SEMA3D: variants seen among roughly 807,000 people sequenced by gnomAD.
The protein encoded by SEMA3D is semaphorin 3D.
In SEMA3D, 84 loss-of-function variants were observed where a neutral mutation model predicts 100.1. The observed-to-expected ratio is 0.84, with a 90% CI of 0.70 to 1.01. The LOEUF (loss-of-function observed/expected upper bound fraction) is 1.01. SEMA3D is among the 50% of genes least tolerant of loss of function. The pLI, the probability that SEMA3D is intolerant of heterozygous loss-of-function variation, is 0.00. For missense variants in SEMA3D, 875 were observed against 934.1 expected (o/e 0.94, Z 0.82); for synonymous variants, 312 against 320.7 (o/e 0.97, Z 0.29).
chr7:85,140,548 C>A (rs1051365712), intron 2 of SEMA3D: 7 of 982,780 alleles, frequency 7.1e-6, no homozygotes, highest in Non-Finnish European at 8.5e-6. Flanking sequence ...GCACAAATTT[C>A]TGTCCAACAT....
chr7:85,012,424 A>G (rs1789980587), intron 17 of SEMA3D, among the ~76,000 whole-genome samples: 1 of 151,860 alleles, frequency 6.6e-6, no homozygotes, highest in South Asian at 2.1e-4. Flanking sequence ...GACTTCTGGG[A>G]GGTCTATTTG....
chr7:85,167,329 T>C, intron 1 of SEMA3D: 2 of 983,672 alleles, frequency 2.0e-6, no homozygotes, highest in Non-Finnish European at 2.4e-6. Flanking sequence ...AGGGTGGTGA[T>C]GTTCTCATAG....
chr7:85,235,577 A>G, the SEMA3D span, among the ~76,000 whole-genome samples: 10 of 152,206 alleles, frequency 6.6e-5, no homozygotes, highest in African/African-American at 2.4e-4. Context: ...TGATATCTGA[A>G]CAGAACCCAG....
chr7:85,238,265 TA>T, the SEMA3D span, among the ~76,000 whole-genome samples: 12 of 152,174 alleles, frequency 7.9e-5, no homozygotes, highest in Non-Finnish European at 1.3e-4. Context: ...GTGTCATATC[TA>T]AAAAGTTATT....
intron 3 of SEMA3D, among the ~76,000 whole-genome samples, chr7:85,106,034 C>T (rs1009215384): frequency 2.6e-5 from 4 of 152,038 alleles, no homozygotes; most frequent in South Asian, 2.1e-4. Flanking sequence ...TAAATTCATA[C>T]TTTGAATGAG....
chr7:85,219,454 CATT>C, the SEMA3D span, among the ~76,000 whole-genome samples: 1 of 151,744 alleles, frequency 6.6e-6, no homozygotes, highest in East Asian at 2.0e-4. Context: ...AAATGAAAGA[CATT>C]TTTTTTAGCA....
chr7:85,010,742 A>C (rs906771501), intron 17 of SEMA3D, among the ~76,000 whole-genome samples: 6 of 151,840 alleles, frequency 4.0e-5, no homozygotes, highest in Non-Finnish European at 8.8e-5. Context: ...TGAAATGCTA[A>C]TTAGGCTTTC....
rs767662100 is a variant in SEMA3D at position 85,022,597 on chromosome 7, T to C, written c.1208A>G (p.Tyr403Cys). ...PRPGTCPSKT[Y>C]DPLIKSTRDF... Reference sequence around the variant, plus strand: ...TCGGGTGGACTTAATCAGTGGGTCATAGGTTTTGCTTGGACACTGAAAATA... The same window carrying C: ...TCGGGTGGACTTAATCAGTGGGTCACAGGTTTTGCTTGGACACTGAAAATA... The change falls in exon 13 of 19, where the codon TAT becomes TGT. Residue 403 changes from tyrosine (Y) to cysteine (C), a missense_variant. Tyr to Cys is a radical substitution (Grantham distance 194). Coordinates refer to ENST00000284136, the MANE Select transcript of SEMA3D (RefSeq NM_001384900.1). 5 of 1,611,278 alleles carry C rather than the reference T, an allele frequency of 3.1e-6. No homozygotes were observed. The highest frequency in any genetic ancestry group is 2.2e-5 in the East Asian group (1 of 44,800).
chr7:85,117,797 T>C (rs1789286836), intron 3 of SEMA3D, among the ~76,000 whole-genome samples: 1 of 149,388 alleles, frequency 6.7e-6, no homozygotes, highest in Non-Finnish European at 1.5e-5. Context: ...TGTATGTATG[T>C]ATGTATGTAT....
intron 1 of SEMA3D, among the ~76,000 whole-genome samples, chr7:85,155,582 G>A (rs1236700510): frequency 2.6e-5 from 4 of 152,046 alleles, no homozygotes; most frequent in African/African-American, 9.7e-5. Flanking sequence ...AGGCCCAATA[G>A]GTGGTGTTAA....
chr7:85,160,094 C>T (rs867667866), intron 1 of SEMA3D: 1 of 912,392 alleles, frequency 1.1e-6, no homozygotes, highest in Admixed American at 6.2e-5. Flanking sequence ...ATCTCAATTC[C>T]ACTTTGATAA....
chr7:85,132,651 A>G (rs967701601), intron 2 of SEMA3D, among the ~76,000 whole-genome samples: 5 of 151,930 alleles, frequency 3.3e-5, no homozygotes, highest in Non-Finnish European at 7.4e-5. Flanking sequence ...CAAAATTAAT[A>G]AAATTAAAAA....
intron 1 of SEMA3D, among the ~76,000 whole-genome samples, chr7:85,162,156 A>G (rs900874354): frequency 6.6e-6 from 1 of 152,102 alleles, no homozygotes; most frequent in African/African-American, 2.4e-5. Context: ...CAAGTAACAA[A>G]GCAAGAATCA....
intron 18 of SEMA3D, among the ~76,000 whole-genome samples, chr7:85,005,849 G>C (rs1010160013): frequency 6.6e-6 from 1 of 151,968 alleles, no homozygotes; most frequent in Admixed American, 6.6e-5. Context: ...AAAATTACTG[G>C]AGGTTGAGAT....
At chr7:85,029,186 A>G in intron 12 of SEMA3D, 2 of 678,546 alleles carry the variant, frequency 2.9e-6, no homozygotes, top group Non-Finnish European at 5.5e-6. Context: ...TCACAGGCGT[A>G]CCTCCTGCAC....
At chr7:85,247,289 A>T in the SEMA3D span, among the ~76,000 whole-genome samples, 7 of 152,096 alleles carry the variant, frequency 4.6e-5, no homozygotes, top group Non-Finnish European at 1.5e-5. Flanking sequence ...AAATTAAGAA[A>T]AGTGGAAAAA....
intron 12 of SEMA3D, chr7:85,028,276 A>G: frequency 1.4e-6 from 1 of 705,672 alleles, no homozygotes; most frequent in Admixed American, 1.9e-5. Flanking sequence ...AGCTTACTTG[A>G]ATGACTCTCA....
chr7:85,179,268 C>T (rs1200368688), intron 1 of SEMA3D, among the ~76,000 whole-genome samples: 1 of 152,114 alleles, frequency 6.6e-6, no homozygotes, highest in Non-Finnish European at 1.5e-5. Context: ...ATGGTAGATC[C>T]ACTGACAGCT....
intron 7 of SEMA3D, among the ~76,000 whole-genome samples, chr7:85,066,903 C>T (rs1232571319): frequency 8.9e-6 from 1 of 112,514 alleles, no homozygotes; most frequent in Non-Finnish European, 1.9e-5. Context: ...CACACACACA[C>T]ACACACACAC....
Sources: allele counts gnomAD v4.1 joint callset (sites outside exome capture counted in the v4.1 genomes callset), GRCh38; gene constraint gnomAD v4.1.1; transcripts MANE v1.5; gene names NCBI Gene and HGNC (gene_info 2026-07-23, HGNC 2026-07-21).